The following FIG4 variants were observed in gnomAD, a reference collection of about 807,000 sequenced individuals.
FIG4 encodes the protein polyphosphoinositide phosphatase.
FIG4 carries 112 observed loss-of-function variants against 118.6 expected under a neutral mutation model. That is an observed-to-expected ratio of 0.94 (90% confidence interval 0.81 to 1.11). FIG4 has a LOEUF of 1.11. Among genes scored for constraint, FIG4 ranks in the 50% least tolerant of loss-of-function variants. FIG4 has a pLI of 0.00. For missense variants in FIG4, 969 were observed against 1,111.7 expected, an observed-to-expected ratio of 0.87 and a Z score of 1.83; for synonymous variants, 369 against 381.2, an observed-to-expected ratio of 0.97 and a Z score of 0.37.
At chr6:109,696,817 GT>G (rs1300814118) in intron 1 of FIG4, among the ~76,000 whole-genome samples, 2 of 152,132 alleles carry the variant, frequency 1.3e-5, no homozygotes. Flanking sequence ...AAGCTCTAGT[GT>G]TTTATAGCAC....
chr6:109,710,927 G>T (rs1243183463), intron 1 of FIG4, among the ~76,000 whole-genome samples: 2 of 151,444 alleles, frequency 1.3e-5, no homozygotes, highest in Non-Finnish European at 1.5e-5. Context: ...AAAAATAGCT[G>T]CCAGATTCAT....
intron 22 of FIG4, among the ~76,000 whole-genome samples, chr6:109,805,313 A>T (rs913414710): frequency 6.6e-6 from 1 of 152,220 alleles, no homozygotes; most frequent in Admixed American, 6.5e-5. Context: ...CTTGATCAAC[A>T]TAACTGGAGA....
intron 10 of FIG4, among the ~76,000 whole-genome samples, chr6:109,746,141 G>C (rs965860078): frequency 6.6e-6 from 1 of 152,138 alleles, no homozygotes; most frequent in African/African-American, 2.4e-5. Flanking sequence ...ACAAGCAATG[G>C]GGAAAGGATT....
intron 6 of FIG4, 21 bp from the exon 7 acceptor site, chr6:109,738,304 A>T (rs776262395): frequency 1.5e-5 from 24 of 1,587,976 alleles, no homozygotes; most frequent in Non-Finnish European, 2.1e-5. Flanking sequence ...TTATGGACTG[A>T]TACAGACTTT....
At chr6:109,707,324 T>C (rs1222558145) in intron 1 of FIG4, among the ~76,000 whole-genome samples, 2 of 147,160 alleles carry the variant, frequency 1.4e-5, no homozygotes, top group African/African-American at 5.0e-5. Context: ...TATATATATA[T>C]GTATAGGTAT....
chr6:109,776,770 G>A (rs1485590770), intron 15 of FIG4, 152 bp from the exon 16 acceptor site: 2 of 632,736 alleles, frequency 3.2e-6, no homozygotes, highest in East Asian at 2.7e-5. Context: ...CCAAATCTTG[G>A]TAACTTATGT....
chr6:109,798,673 C>CA (rs1325881341), intron 22 of FIG4, among the ~76,000 whole-genome samples: 1 of 152,156 alleles, frequency 6.6e-6, no homozygotes, highest in Non-Finnish European at 1.5e-5. Flanking sequence ...ATGGCTGAGA[C>CA]AGAGACATAG....
At chr6:109,698,194 T>TA (rs1340342849) in intron 1 of FIG4, among the ~76,000 whole-genome samples, 3 of 151,980 alleles carry the variant, frequency 2.0e-5, no homozygotes, top group African/African-American at 7.2e-5. Flanking sequence ...GGCCTGTTTT[T>TA]TTTTTTTATT....
intron 15 of FIG4, among the ~76,000 whole-genome samples, chr6:109,770,799 A>G (rs1353527645): frequency 6.6e-6 from 1 of 152,192 alleles, no homozygotes; most frequent in Non-Finnish European, 1.5e-5. Context: ...CCATCTCCAA[A>G]ATTGTGGATT....
At chr6:109,794,040 A>G (rs183281847) in intron 21 of FIG4, among the ~76,000 whole-genome samples, 4 of 152,312 alleles carry the variant, frequency 2.6e-5, no homozygotes, top group Admixed American at 2.6e-4. Flanking sequence ...ACTGAGTAAT[A>G]TGACTTTGTT....
At chr6:109,731,364 A>T (rs1244581654) in intron 4 of FIG4, among the ~76,000 whole-genome samples, 1 of 152,202 alleles carries the variant, frequency 6.6e-6, no homozygotes, top group Non-Finnish European at 1.5e-5. Context: ...ACTCTTGCAC[A>T]TGTGTATGGG....
intron 18 of FIG4, 59 bp downstream of exon 18, chr6:109,786,508 T>TG: frequency 6.3e-7 from 1 of 1,577,490 alleles, no homozygotes; most frequent in South Asian, 1.1e-5. Context: ...TCCTAGTTTG[T>TG]ATATATATGT....
intron 1 of FIG4, among the ~76,000 whole-genome samples, chr6:109,710,379 G>A (rs1562639841): frequency 6.6e-6 from 1 of 152,148 alleles, no homozygotes; most frequent in Non-Finnish European, 1.5e-5. Context: ...GAGGATTTTT[G>A]CATTGGTGTT....
In FIG4 at chr6:109,709,222, C is replaced by T. The variant is rs539555993; in HGVS notation, c.67-5856C>T. Among the ~76,000 whole-genome samples, 6 of 152,284 alleles carry T rather than the reference C, an allele frequency of 3.9e-5. No homozygotes were observed. In the South Asian group the frequency reaches 1.2e-3, roughly 32 times the overall value. On this transcript the variant is annotated intron_variant, in intron 1 of 22. Transcript: ENST00000230124. ...AGGATCATTTATTGAATAGGGAATC[C>T]TTTCCCCATTGCTTGTTTTAGTAAG...
At chr6:109,734,883 C>T (rs908397071) in intron 5 of FIG4, among the ~76,000 whole-genome samples, 2 of 152,126 alleles carry the variant, frequency 1.3e-5, no homozygotes, top group African/African-American at 4.8e-5. Context: ...AAAAAATGCA[C>T]ATTGTACAAA....
intron 10 of FIG4, among the ~76,000 whole-genome samples, chr6:109,745,470 C>T (rs536310686): frequency 7.2e-5 from 11 of 152,158 alleles, no homozygotes; most frequent in African/African-American, 1.7e-4. Context: ...TCATATCCTT[C>T]GCCTACTTTT....
At chr6:109,762,305 T>A (rs1777135268) in intron 12 of FIG4, 98 bp downstream of exon 12, 1 of 783,200 alleles carries the variant, frequency 1.3e-6, no homozygotes, top group Admixed American at 1.9e-5. Flanking sequence ...TTGGATGAAT[T>A]TAGTCCTGGG....
At chr6:109,711,822 G>C (rs1278854475) in intron 1 of FIG4, among the ~76,000 whole-genome samples, 1 of 152,154 alleles carries the variant, frequency 6.6e-6, no homozygotes, top group Non-Finnish European at 1.5e-5. Context: ...CGGTCATTTT[G>C]CACACTTGTT....
At chr6:109,767,426 A>G (rs1777312482) in intron 15 of FIG4, among the ~76,000 whole-genome samples, 1 of 152,192 alleles carries the variant, frequency 6.6e-6, no homozygotes, top group Admixed American at 6.5e-5. Flanking sequence ...AATTGCCAAT[A>G]CAATAGGTAT....
Sources: gnomAD v4.1 joint callset for allele counts (sites outside exome capture counted in the v4.1 genomes callset) on GRCh38, gnomAD v4.1.1 for gene constraint, MANE v1.5 for transcripts, NCBI Gene and HGNC (gene_info 2026-07-23, HGNC 2026-07-21) for gene names.